ACSL4: variants seen among roughly 807,000 people sequenced by gnomAD.
ACSL4 encodes long-chain-fatty-acid--CoA ligase 4.
In ACSL4, 9 loss-of-function variants were observed where a neutral mutation model predicts 49.1. The observed-to-expected ratio is 0.18, with a 90% CI of 0.11 to 0.32. ACSL4 has a LOEUF of 0.32. Ranked by LOEUF, ACSL4 falls within the 10% of genes least tolerant of loss-of-function variation. ACSL4 has a pLI of 1.00. For synonymous variants in ACSL4, 191 were observed against 170.3 expected (o/e 1.12, Z -0.95); for missense variants, 333 against 493.7 (o/e 0.67, Z 3.08).
At chrX:109,700,017 GACCA>G (rs1925754456) in intron 1 of ACSL4, among the ~76,000 whole-genome samples, 1 of 107,796 alleles carries the variant, frequency 9.3e-6, no homozygotes, top group Non-Finnish European at 1.9e-5. Flanking sequence ...AGAACAGCCT[GACCA>G]ACATGGTGAA....
chrX:109,678,964 G>A (rs143137731), intron 6 of ACSL4, among the ~76,000 whole-genome samples: 1,868 of 112,065 alleles, frequency 0.017, 29 homozygotes, highest in African/African-American at 0.057. Context: ...CTGGGACTTT[G>A]GAGTATCAGG....
chrX:109,642,604 C>CAT lies in ACSL4; in HGVS notation c.*1423_*1424dup, dbSNP rs1027297065. 7 of 110,676 alleles carry CAT rather than the reference C, an allele frequency of 6.3e-5. No homozygotes were observed. Among genetic ancestry groups the CAT allele is most frequent in the African/African-American group, 2.3e-4 (7 of 30,343 alleles). The allele number at this position is 110,676 out of a possible 1,213,427, so 9.1% of individuals were successfully genotyped here. ...ACACACACACACACATATATATATG[C>CAT]ATATATATAAAAAATGATTAAGAAA... On this transcript the variant is annotated 3_prime_UTR_variant, in exon 16 of 16. Coordinates refer to ENST00000672401, the MANE Select transcript of ACSL4 (RefSeq NM_001318510.2).
At chrX:109,685,919 GCAA>G (rs945493700) in intron 2 of ACSL4, among the ~76,000 whole-genome samples, 5 of 111,313 alleles carry the variant, frequency 4.5e-5, no homozygotes, top group African/African-American at 1.6e-4. Context: ...ACTTCAAAGG[GCAA>G]CAACCCTGAA....
At chrX:109,694,806 AG>A (rs1388428998) in intron 2 of ACSL4, among the ~76,000 whole-genome samples, 1 of 111,721 alleles carries the variant, frequency 9.0e-6, no homozygotes, top group African/African-American at 3.3e-5. Context: ...CTATAGGACT[AG>A]GTAAATTTCA....
At chrX:109,723,025 A>G (rs1412561427) in intron 1 of ACSL4, among the ~76,000 whole-genome samples, 2 of 111,777 alleles carry the variant, frequency 1.8e-5, no homozygotes, top group Non-Finnish European at 3.8e-5. Context: ...TTTTATACTT[A>G]TATTTTTGGT....
At chrX:109,706,007 T>C (rs1926330529) in intron 1 of ACSL4, among the ~76,000 whole-genome samples, 1 of 112,951 alleles carries the variant, frequency 8.9e-6, no homozygotes, top group Non-Finnish European at 1.9e-5. Flanking sequence ...CCATTTACTT[T>C]TTAGCAACAA....
At chrX:109,682,366 T>C (rs762027812) in intron 4 of ACSL4, among the ~76,000 whole-genome samples, 1 of 111,231 alleles carries the variant, frequency 9.0e-6, no homozygotes, top group East Asian at 2.8e-4. Flanking sequence ...TGAATTTGAA[T>C]TATCCTGAGA....
chrX:109,663,385 C>G lies in ACSL4; in HGVS notation c.1408G>C (p.Asp470His). Residue 470 changes from aspartate (D) to histidine (H), a missense_variant, in exon 13 of 16, where the codon GAC (aspartate) becomes CAC (histidine). Asp to His is a moderately conservative substitution (Grantham distance 81). Coordinates refer to ENST00000672401, the MANE Select transcript of ACSL4 (RefSeq NM_001318510.2). Reference protein sequence around the residue: ...DWQEGGYTINDKPNPRGEIVI... With the variant: ...DWQEGGYTINHKPNPRGEIVI... ...ATTTCACCTCTGGGGTTTGGCTTGT[C>G]ATTAATTGTATAACCGCCTGGAAAT... The G allele has an allele frequency of 5.8e-6, 7 of 1,208,593 alleles. No individual in the cohort carries two copies. The highest frequency in any genetic ancestry group is 2.3e-4 in the Middle Eastern group (1 of 4,344).
In ACSL4 at chrX:109,648,821, G is replaced by T. The variant is rs774395674; in HGVS notation, c.1856-4635C>A. On this transcript the variant is annotated intron_variant, in intron 15 of 15. Transcript: ENST00000672401. ...CTCCTTAAGCTGATAAGCAACTTCAGCAAAGTCTCAGGATACAAAATCAAT... is the reference window on the plus strand; with the variant it reads ...CTCCTTAAGCTGATAAGCAACTTCATCAAAGTCTCAGGATACAAAATCAAT... Among the ~76,000 whole-genome samples the T allele has an allele frequency of 7.1e-3, 703 of 99,579 alleles. 6 individuals are homozygous for T. The highest frequency in any genetic ancestry group is 0.03 in the Middle Eastern group (6 of 200). The allele number at this position is 99,579 out of a possible 115,157, so 86.5% of individuals were successfully genotyped here. A position where few individuals can be genotyped will look rare whatever the true frequency, so the allele number is the denominator to read the frequency against.
At chrX:109,715,350 T>A (rs1203293182) in intron 1 of ACSL4, among the ~76,000 whole-genome samples, 1 of 109,462 alleles carries the variant, frequency 9.1e-6, no homozygotes, top group Non-Finnish European at 1.9e-5. Context: ...TTTAAAATCA[T>A]AAAACAGGCC....
chrX:109,715,765 C>T (rs1927082457), intron 1 of ACSL4, among the ~76,000 whole-genome samples: 1 of 111,545 alleles, frequency 9.0e-6, no homozygotes, highest in Non-Finnish European at 1.9e-5. Flanking sequence ...GTGGTCCCTA[C>T]ATATAAACAA....
chrX:109,683,221 T>C lies in ACSL4; in HGVS notation c.143A>G (p.Lys48Arg), dbSNP rs764212023. 8.3e-7 allele frequency: 1 copy of C among 1,212,006 alleles called. No individual in the cohort carries two copies. The highest frequency in any genetic ancestry group is 1.1e-6 in the Non-Finnish European group (1 of 895,516). ...CCCAAGGCTGTCCTTCTTCCCAAAC[T>C]TGGATACAGCATGGTCAAATAATTT... The part of the protein sequence containing the change: ...LDKLFDHAVS[K>R]FGKKDSLGTR... The change falls in exon 3 of 16, where the codon AAG (lysine) becomes AGG (arginine). Residue 48 changes from lysine (K) to arginine (R), a missense_variant. Lys to Arg is a conservative substitution (Grantham distance 26). This residue lies in a region of ACSL4 where 157 missense variants were observed against 201.1 expected (regional missense o/e 0.78). Coordinates refer to ENST00000672401, the MANE Select transcript of ACSL4 (RefSeq NM_001318510.2).
Position 109,681,102 on chromosome X carries a change from A to G in ACSL4, c.551T>C (p.Ile184Thr). 2.5e-6 allele frequency: 3 copies of G among 1,210,554 alleles called. No homozygotes were observed. The highest frequency in any genetic ancestry group is 2.2e-5 in the Admixed American group (1 of 45,976). The change falls in exon 6 of 16, where the codon ATC becomes ACC. Residue 184 changes from isoleucine (I) to threonine (T), a missense_variant. Around this residue, in one of 3 missense-constraint regions of ACSL4, gnomAD observed 157 missense variants for 201.1 expected, o/e 0.78. Transcript: ENST00000672401. ...ALLDISCVKH[I>T]IYVDNKAINK... ...GATAGCCTTATTGTCCACATAAATG[A>G]TATGTTTAACACAACTGATATCTAA... is the stretch of plus-strand genomic sequence containing the variant.
At chrX:109,709,682 T>C (rs778058237) in intron 1 of ACSL4, among the ~76,000 whole-genome samples, 1 of 112,775 alleles carries the variant, frequency 8.9e-6, no homozygotes, top group African/African-American at 3.2e-5. Flanking sequence ...TACAACAGAA[T>C]ATTTTCTCAA....
At chrX:109,681,435 A>T in intron 4 of ACSL4, 60 bp from the exon 5 acceptor site, 1 of 811,197 alleles carries the variant, frequency 1.2e-6, no homozygotes, top group South Asian at 2.2e-5. Flanking sequence ...AATGGATATT[A>T]TTGAAGTCAG....
chrX:109,710,766 A>C (rs916480841), intron 1 of ACSL4, among the ~76,000 whole-genome samples: 3 of 112,170 alleles, frequency 2.7e-5, no homozygotes, highest in Non-Finnish European at 3.8e-5. Context: ...GCTGGAGTAC[A>C]GTGGCACAAT....
intron 8 of ACSL4, among the ~76,000 whole-genome samples, chrX:109,676,847 A>G (rs1923736944): frequency 8.9e-6 from 1 of 112,411 alleles, no homozygotes; most frequent in African/African-American, 3.2e-5. Context: ...ACTTTCTGTG[A>G]TGATAAAAAT....
At position 109,659,440 on chromosome X, in the gene ACSL4, C is replaced by T. The variant is rs1921982042; in HGVS notation, c.1769G>A (p.Gly590Glu). The change falls in exon 15 of 16, where the codon GGG (glycine) becomes GAG (glutamate). Residue 590 changes from glycine (G) to glutamate (E), a missense_variant. This residue lies in a region of ACSL4 where 175 missense variants were observed against 275.8 expected (regional missense o/e 0.63). Coordinates refer to ENST00000672401, the MANE Select transcript of ACSL4 (RefSeq NM_001318510.2). ...KRLTLLAQQK[G>E]VEGTWVDICN... ...GATATCAACCCAAGTTCCTTCTACC[C>T]CTTTCTGTTGTGCCAAAAGTGTCAA... 8.3e-7 allele frequency: 1 copy of T among 1,206,256 alleles called. No individual in the cohort carries two copies. The highest frequency in any genetic ancestry group is 1.1e-6 in the Non-Finnish European group (1 of 891,029).
At position 109,641,809 on chromosome X, in the gene ACSL4, C is replaced by T. The variant is rs962053671; in HGVS notation, c.*2220G>A. On this transcript the variant is annotated 3_prime_UTR_variant, in exon 16 of 16. Transcript: ENST00000672401. ...CACAAGTGTTTGACTTAGAAATGTA[C>T]ATATTGTAGTAAATTTTTAAAGTAC... 2 of 112,512 alleles carry T rather than the reference C, an allele frequency of 1.8e-5. No individual in the cohort carries two copies. Among genetic ancestry groups the T allele is most frequent in the Middle Eastern group, 4.6e-3 (1 of 219 alleles). The allele number at this position is 112,512 out of a possible 1,213,427, so 9.3% of individuals were successfully genotyped here.
Sources: allele counts gnomAD v4.1 joint callset (sites outside exome capture counted in the v4.1 genomes callset), GRCh38; gene constraint gnomAD v4.1.1; regional missense constraint gnomAD v4.1.1; transcripts MANE v1.5; gene names NCBI Gene and HGNC (gene_info 2026-07-23, HGNC 2026-07-21).